GPR39: variants seen among roughly 807,000 people sequenced by gnomAD.
The protein encoded by GPR39 is G protein-coupled receptor 39.
GPR39 carries 23 observed loss-of-function variants against 18.4 expected under a neutral mutation model. The ratio of observed to expected loss-of-function variants is 1.25; its 90% confidence interval spans 0.90 to 1.77. The LOEUF is 1.77. GPR39 is among the 40% of genes most tolerant of loss of function. The pLI, the probability that GPR39 is intolerant of heterozygous loss-of-function variation, is 0.00. For missense variants in GPR39, 647 were observed against 602.4 expected (o/e 1.07, Z -0.78); for synonymous variants, 280 against 257.9 (o/e 1.09, Z -0.82).
chr2:132,422,675 A>T (rs1200120867), intron 1 of GPR39, among the ~76,000 whole-genome samples: 1 of 152,066 alleles, frequency 6.6e-6, no homozygotes, highest in Non-Finnish European at 1.5e-5. Flanking sequence ...ATTTCAGAAA[A>T]AAGTTTTGCC....
At chr2:132,582,644 C>G (rs1051226826) in intron 1 of GPR39, among the ~76,000 whole-genome samples, 1 of 152,260 alleles carries the variant, frequency 6.6e-6, no homozygotes, top group East Asian at 1.9e-4. Flanking sequence ...GGTGCCTGAG[C>G]AGCCTGAGGC....
chr2:132,484,396 C>T (rs181480802), intron 1 of GPR39, among the ~76,000 whole-genome samples: 4 of 152,206 alleles, frequency 2.6e-5, no homozygotes, highest in African/African-American at 9.6e-5. Context: ...AATGGGTTAG[C>T]AAAAAATAAA....
chr2:132,584,129 G>C (rs893705691), intron 1 of GPR39, among the ~76,000 whole-genome samples: 2 of 152,074 alleles, frequency 1.3e-5, no homozygotes, highest in Admixed American at 1.3e-4. Context: ...GCAGTTGAAC[G>C]TGGTGGGACA....
chr2:132,606,153 A>T (rs1023664870), intron 1 of GPR39: 2 of 152,226 alleles, frequency 1.3e-5, no homozygotes, highest in Non-Finnish European at 2.9e-5. Context: ...TTCTAATATG[A>T]TGCAGAATAA....
In GPR39 at chr2:132,464,721, C is replaced by G. The variant is rs752552198; in HGVS notation, c.856+46823C>G. ...GCCTGTGTCCTTCCCTCCTATGACC[C>G]GGCAGTATATCCTTCCAACATTGCT... On this transcript the variant is annotated intron_variant, in intron 1 of 1. Coordinates refer to ENST00000329321, the MANE Select transcript of GPR39 (RefSeq NM_001508.3). Among the ~76,000 whole-genome samples, 71 of 152,230 alleles carry G rather than the reference C, an allele frequency of 4.7e-4. 1 individual carries two copies. In the Middle Eastern group the frequency reaches 0.014, roughly 29 times the overall value.
intron 1 of GPR39, among the ~76,000 whole-genome samples, chr2:132,573,849 T>C (rs1680484154): frequency 6.6e-6 from 1 of 152,160 alleles, no homozygotes. Flanking sequence ...CCAAGCAGAA[T>C]AAGCAAAGCC....
chr2:132,498,109 G>A (rs1681682987), intron 1 of GPR39, among the ~76,000 whole-genome samples: 1 of 152,066 alleles, frequency 6.6e-6, no homozygotes, highest in Admixed American at 6.5e-5. Flanking sequence ...TATTTCAGTA[G>A]GTTTTTGGGG....
intron 1 of GPR39, among the ~76,000 whole-genome samples, chr2:132,558,857 C>T (rs1357703391): frequency 6.6e-6 from 1 of 152,130 alleles, no homozygotes; most frequent in Non-Finnish European, 1.5e-5. Flanking sequence ...ACAGGCTGCC[C>T]ACAGTTTACA....
chr2:132,625,070 CA>C (rs1323091501), intron 1 of GPR39, among the ~76,000 whole-genome samples: 1 of 141,338 alleles, frequency 7.1e-6, no homozygotes, highest in Non-Finnish European at 1.5e-5. Flanking sequence ...CTAGGTGCTC[CA>C]ATTTTTTTTT....
chr2:132,561,106 G>A (rs2104803958), intron 1 of GPR39, among the ~76,000 whole-genome samples: 2 of 151,480 alleles, frequency 1.3e-5, no homozygotes, highest in Middle Eastern at 3.4e-3. Context: ...TTTCAGTAGA[G>A]AAGGGGTTTC....
chr2:132,490,786 A>AGAG (rs1444911345), intron 1 of GPR39, among the ~76,000 whole-genome samples: 1 of 150,146 alleles, frequency 6.7e-6, no homozygotes, highest in Non-Finnish European at 1.5e-5. Context: ...CCTCAGCCAA[A>AGAG]GAGGAGCCTC....
chr2:132,589,585 T>C (rs1395442077), intron 1 of GPR39, among the ~76,000 whole-genome samples: 1 of 152,162 alleles, frequency 6.6e-6, no homozygotes, highest in Non-Finnish European at 1.5e-5. Context: ...TTAGAGAGCG[T>C]CTGGGCTGTG....
chr2:132,595,516 G>A (rs1298321777), intron 1 of GPR39, among the ~76,000 whole-genome samples: 1 of 152,036 alleles, frequency 6.6e-6, no homozygotes, highest in African/African-American at 2.4e-5. Context: ...GAAGACCTGG[G>A]GGAACAGATC....
At chr2:132,516,492 A>G (rs375144832) in intron 1 of GPR39, among the ~76,000 whole-genome samples, 1 of 152,318 alleles carries the variant, frequency 6.6e-6, no homozygotes, top group African/African-American at 2.4e-5. Flanking sequence ...GGATGCAGAT[A>G]GCTGACATTT....
At chr2:132,436,252 A>G (rs1680317224) in intron 1 of GPR39, among the ~76,000 whole-genome samples, 1 of 152,236 alleles carries the variant, frequency 6.6e-6, no homozygotes, top group Non-Finnish European at 1.5e-5. Context: ...AGGCCAAGGC[A>G]TTATTGGCCA....
At chr2:132,508,783 A>G (rs1679182144) in intron 1 of GPR39, among the ~76,000 whole-genome samples, 1 of 152,204 alleles carries the variant, frequency 6.6e-6, no homozygotes. Flanking sequence ...ACCATTTCAC[A>G]GACAGAGACA....
Position 132,645,797 on chromosome 2 carries a change from C to A in GPR39, c.*191C>A. On this transcript the variant is annotated 3_prime_UTR_variant, in exon 2 of 2. Transcript: ENST00000329321. ...CAGCCTGGCCTTGACTCCGGTTACA[C>A]AGACATGGGGGTGAACTTTCACTCC... is the stretch of plus-strand genomic sequence containing the variant. 1 of 792,188 alleles carries A rather than the reference C, an allele frequency of 1.3e-6. No homozygotes were observed. Among genetic ancestry groups the A allele is most frequent in the Non-Finnish European group, 1.9e-6 (1 of 513,268 alleles). The allele number at this position is 792,188 out of a possible 1,614,324, so 49.1% of individuals were successfully genotyped here. A position where few individuals can be genotyped will look rare whatever the true frequency, so the allele number is the denominator to read the frequency against.
chr2:132,567,317 C>T (rs569189204), intron 1 of GPR39, among the ~76,000 whole-genome samples: 1 of 151,888 alleles, frequency 6.6e-6, no homozygotes, highest in African/African-American at 2.4e-5. Context: ...GGGAGACAGT[C>T]TCAAAAAAAA....
chr2:132,569,635 G>T (rs977997544), intron 1 of GPR39, among the ~76,000 whole-genome samples: 8 of 151,136 alleles, frequency 5.3e-5, no homozygotes, highest in African/African-American at 1.2e-4. Context: ...CAGTGGGGGT[G>T]GGGGGGGTCC....
Sources: allele counts gnomAD v4.1 joint callset (sites outside exome capture counted in the v4.1 genomes callset), GRCh38; gene constraint gnomAD v4.1.1; transcripts MANE v1.5; gene names NCBI Gene and HGNC (gene_info 2026-07-23, HGNC 2026-07-21).